Variants in GPC5 observed in about 807,000 individuals in gnomAD.
GPC5 encodes glypican-5.
In GPC5, 47 loss-of-function variants were observed where a neutral mutation model predicts 53.9. The ratio of observed to expected loss-of-function variants is 0.87; its 90% confidence interval spans 0.69 to 1.11. The LOEUF (loss-of-function observed/expected upper bound fraction) is 1.11, where lower values mean the gene tolerates loss of function less well. Among genes scored for constraint, GPC5 ranks in the 50% most tolerant of loss-of-function variants. GPC5 has a pLI of 0.00. For synonymous variants in GPC5, 286 were observed against 263.3 expected (o/e 1.09, Z -0.84); for missense variants, 748 against 713.1 (o/e 1.05, Z -0.56).
At chr13:92,837,692 C>A (rs1358812294) in intron 7 of GPC5, among the ~76,000 whole-genome samples, 1 of 152,152 alleles carries the variant, frequency 6.6e-6, no homozygotes, top group Non-Finnish European at 1.5e-5. Flanking sequence ...AGACAAGTAT[C>A]AGAGTATAAA....
chr13:91,590,865 T>G (rs1009914306), intron 2 of GPC5, among the ~76,000 whole-genome samples: 1 of 152,244 alleles, frequency 6.6e-6, no homozygotes, highest in Middle Eastern at 3.2e-3. Context: ...TTTATATGAT[T>G]GAACCTCTCC....
intron 2 of GPC5, among the ~76,000 whole-genome samples, chr13:91,544,033 C>CCCAA (rs1240033785): frequency 6.6e-6 from 1 of 151,716 alleles, no homozygotes; most frequent in Non-Finnish European, 1.5e-5. Context: ...TTTATTTGTT[C>CCCAA]TCAATTATTA....
At chr13:92,766,886 T>C (rs571787857) in intron 7 of GPC5, among the ~76,000 whole-genome samples, 3 of 152,378 alleles carry the variant, frequency 2.0e-5, no homozygotes, top group East Asian at 1.9e-4. Flanking sequence ...GCTTGGGTTC[T>C]ATTTTCTCTA....
At chr13:92,417,594 C>T (rs1398623343) in intron 7 of GPC5, among the ~76,000 whole-genome samples, 1 of 152,102 alleles carries the variant, frequency 6.6e-6, no homozygotes, top group Non-Finnish European at 1.5e-5. Flanking sequence ...AATTCTAGGA[C>T]TGGTGTGGTG....
At chr13:92,238,933 T>C (rs1480915696) in intron 7 of GPC5, among the ~76,000 whole-genome samples, 1 of 151,904 alleles carries the variant, frequency 6.6e-6, no homozygotes, top group Non-Finnish European at 1.5e-5. Context: ...TTATATATGG[T>C]GTGAGGTAGG....
intron 7 of GPC5, among the ~76,000 whole-genome samples, chr13:92,524,903 A>G (rs1226554612): frequency 6.6e-6 from 1 of 152,128 alleles, no homozygotes; most frequent in African/African-American, 2.4e-5. Flanking sequence ...ATGCGTAGGG[A>G]TGAATAACAT....
intron 7 of GPC5, among the ~76,000 whole-genome samples, chr13:92,732,895 C>A (rs1173880591): frequency 6.6e-6 from 1 of 151,582 alleles, no homozygotes; most frequent in African/African-American, 2.4e-5. Context: ...CTGGTTCTTT[C>A]CCATCCTGAG....
intron 5 of GPC5, among the ~76,000 whole-genome samples, chr13:91,866,216 G>A (rs2039083558): frequency 6.6e-6 from 1 of 152,106 alleles, no homozygotes; most frequent in African/African-American, 2.4e-5. Context: ...AGAATGAAAA[G>A]GTATAAATGT....
rs9515967 is a variant in GPC5 at position 91,768,256 on chromosome 13, T to A, written c.1280+11836T>A. Among the ~76,000 whole-genome samples, 4 of 151,984 alleles carry A rather than the reference T, an allele frequency of 2.6e-5. No individual in the cohort carries two copies. In the South Asian group the frequency reaches 8.3e-4, roughly 31 times the overall value. On this transcript the variant is annotated intron_variant, in intron 5 of 7. Transcript: ENST00000377067. Reference sequence around the variant, plus strand: ...GAATTTATAAGAATAGCTCATCAGATAGCACATTTTATTGTCCAACCATCC... The same window carrying A: ...GAATTTATAAGAATAGCTCATCAGAAAGCACATTTTATTGTCCAACCATCC...
At chr13:92,452,433 T>C (rs113267614) in intron 7 of GPC5, among the ~76,000 whole-genome samples, 196 of 152,232 alleles carry the variant, frequency 1.3e-3, no homozygotes, top group African/African-American at 4.5e-3. Context: ...AATAAAGGCT[T>C]ATCGGAAATA....
chr13:91,777,119 C>T (rs2037722960), intron 5 of GPC5, among the ~76,000 whole-genome samples: 1 of 152,182 alleles, frequency 6.6e-6, no homozygotes, highest in South Asian at 2.1e-4. Context: ...TCCTCCTCCC[C>T]CACCAACATT....
At chr13:91,448,728 G>A in intron 1 of GPC5, 33 bp from the exon 2 acceptor site, 1 of 1,603,592 alleles carries the variant, frequency 6.2e-7, no homozygotes, top group Non-Finnish European at 8.5e-7. Flanking sequence ...TAAATGAACA[G>A]GTAATCATTC....
At chr13:91,599,756 A>G (rs999036164) in intron 2 of GPC5, among the ~76,000 whole-genome samples, 1 of 152,180 alleles carries the variant, frequency 6.6e-6, no homozygotes, top group Non-Finnish European at 1.5e-5. Context: ...CATTCATGAA[A>G]ACATGTTATA....
chr13:91,747,515 T>C (rs1253651617), intron 4 of GPC5, among the ~76,000 whole-genome samples: 1 of 152,208 alleles, frequency 6.6e-6, no homozygotes, highest in East Asian at 1.9e-4. Flanking sequence ...TAGCCAGTGA[T>C]TAGAATTTAC....
At chr13:92,225,886 T>C (rs79134737) in intron 7 of GPC5, among the ~76,000 whole-genome samples, 5,917 of 152,194 alleles carry the variant, frequency 0.039, 393 homozygotes, top group African/African-American at 0.13. Flanking sequence ...TGAATAAAAT[T>C]CCAAAAATAA....
intron 7 of GPC5, among the ~76,000 whole-genome samples, chr13:92,281,637 G>T (rs907780969): frequency 6.6e-6 from 1 of 152,124 alleles, no homozygotes; most frequent in Non-Finnish European, 1.5e-5. Context: ...AGGCAAACAG[G>T]GTCTGGAGTG....
Position 92,519,026 on chromosome 13 carries a change from T to C in GPC5, c.1562-347256T>C, listed in dbSNP as rs183919876. Among the ~76,000 whole-genome samples, 889 of 151,980 alleles carry C rather than the reference T, an allele frequency of 5.8e-3. 3 individuals are homozygous for C. Among genetic ancestry groups the C allele is most frequent in the Non-Finnish European group, 9.6e-3 (651 of 67,926 alleles). ...TTAAACCAACAAAGATCAAAAGAGA[T>C]AAAGAAGGCCATTACATAATGGTAA... is the stretch of plus-strand genomic sequence containing the variant. On this transcript the variant is annotated intron_variant, in intron 7 of 7. Transcript: ENST00000377067.
chr13:91,830,234 A>T lies in GPC5; in HGVS notation c.1280+73814A>T, dbSNP rs187480902. On this transcript the variant is annotated intron_variant, in intron 5 of 7. Coordinates refer to ENST00000377067, the MANE Select transcript of GPC5 (RefSeq NM_004466.6). ...AAAAGAATTCAGCGATATTTCTCCC[A>T]TTTGCTTTTGAAAGAAGAGAAATAT... Among the ~76,000 whole-genome samples, 74 of 152,096 alleles carry T rather than the reference A, an allele frequency of 4.9e-4. 1 individual carries two copies. The highest frequency in any genetic ancestry group is 3.4e-3 in the Middle Eastern group (1 of 294).
intron 1 of GPC5, among the ~76,000 whole-genome samples, chr13:91,403,470 TG>T (rs1227774396): frequency 2.0e-5 from 3 of 152,028 alleles, no homozygotes; most frequent in Non-Finnish European, 4.4e-5. Flanking sequence ...AAGATTAAGG[TG>T]GGGTAGTTGT....
Sources: allele counts gnomAD v4.1 joint callset (sites outside exome capture counted in the v4.1 genomes callset), GRCh38; gene constraint gnomAD v4.1.1; transcripts MANE v1.5; gene names NCBI Gene and HGNC (gene_info 2026-07-23, HGNC 2026-07-21).